RYR2: variants seen among roughly 807,000 people sequenced by gnomAD.
The protein encoded by RYR2 is cardiac muscle ryanodine receptor-calcium release channel.
In RYR2, 227 loss-of-function variants were observed where a neutral mutation model predicts 601.1. The observed-to-expected ratio is 0.38, with a 90% CI of 0.34 to 0.42. RYR2 has a LOEUF of 0.42. Among genes scored for constraint, RYR2 ranks in the 10% least tolerant of loss-of-function variants. The pLI, the probability that RYR2 is intolerant of heterozygous loss-of-function variation, is 1.00. For missense variants in RYR2, 4,646 were observed against 6,156.5 expected (o/e 0.75, Z 8.21); for synonymous variants, 2,223 against 2,175.1 (o/e 1.02, Z -0.61).
At chr1:237,259,302 G>A (rs1688283201) in intron 1 of RYR2, among the ~76,000 whole-genome samples, 2 of 152,086 alleles carry the variant, frequency 1.3e-5, no homozygotes, top group Non-Finnish European at 2.9e-5. Context: ...GAAGTCAGGA[G>A]TTCAACACCA....
chr1:237,787,963 A>C, intron 91 of RYR2, 25 bp from the exon 92 acceptor site: 1 of 1,568,284 alleles, frequency 6.4e-7, no homozygotes, highest in South Asian at 1.2e-5. Flanking sequence ...TGGAGAGCTT[A>C]TGTTTTGTTT....
chr1:237,107,523 A>AC (rs979902014), intron 1 of RYR2, among the ~76,000 whole-genome samples: 5 of 148,594 alleles, frequency 3.4e-5, no homozygotes, highest in African/African-American at 1.2e-4. Context: ...CCATCTCAAA[A>AC]AAAAAAAAAA....
intron 71 of RYR2, among the ~76,000 whole-genome samples, chr1:237,714,881 C>G (rs1215285086): frequency 6.6e-6 from 1 of 150,532 alleles, no homozygotes; most frequent in East Asian, 2.0e-4. Context: ...CTAATCCCAG[C>G]TACTTGGGAG....
chr1:237,528,401 G>A (rs1229237022), intron 24 of RYR2, among the ~76,000 whole-genome samples: 1 of 152,064 alleles, frequency 6.6e-6, no homozygotes, highest in East Asian at 1.9e-4. Flanking sequence ...CTATCTGTGG[G>A]GTTCAGGCAT....
intron 27 of RYR2, among the ~76,000 whole-genome samples, chr1:237,560,465 C>T (rs2148192471): frequency 6.6e-6 from 1 of 152,250 alleles, no homozygotes; most frequent in Non-Finnish European, 1.5e-5. Flanking sequence ...TTTGGAGGAA[C>T]TCCAGCTCTG....
intron 1 of RYR2, among the ~76,000 whole-genome samples, chr1:237,087,935 C>T (rs1325641275): frequency 6.6e-6 from 1 of 152,216 alleles, no homozygotes; most frequent in African/African-American, 2.4e-5. Flanking sequence ...GTTCTCTGTG[C>T]ATGCTGGGTT....
At chr1:237,597,400 G>C (rs1573030965) in intron 34 of RYR2, among the ~76,000 whole-genome samples, 2 of 151,362 alleles carry the variant, frequency 1.3e-5, no homozygotes, top group African/African-American at 4.9e-5. Context: ...TCATGCCTCA[G>C]CCTCCTGAGT....
At chr1:237,117,247 G>A (rs941039969) in intron 1 of RYR2, among the ~76,000 whole-genome samples, 2 of 152,044 alleles carry the variant, frequency 1.3e-5, no homozygotes, top group Non-Finnish European at 2.9e-5. Flanking sequence ...AGAAGATGAG[G>A]TATTGTTTGG....
intron 6 of RYR2, 86 bp from the exon 7 acceptor site, chr1:237,374,631 C>A: frequency 8.9e-7 from 1 of 1,120,338 alleles, no homozygotes; most frequent in Non-Finnish European, 1.3e-6. Context: ...GCACTTCCAG[C>A]CTGAGCTACA....
intron 80 of RYR2, among the ~76,000 whole-genome samples, chr1:237,749,093 A>T (rs1304833004): frequency 6.6e-6 from 1 of 152,248 alleles, no homozygotes; most frequent in Admixed American, 6.5e-5. Context: ...ACAAACATGT[A>T]TTGAAGCAGC....
intron 1 of RYR2, among the ~76,000 whole-genome samples, chr1:237,236,329 T>C (rs1343050215): frequency 8.5e-5 from 9 of 106,034 alleles, no homozygotes; most frequent in Admixed American, 9.2e-5. Context: ...ATTTGCAGTG[T>C]TATCATTAAT....
chr1:237,215,784 A>G lies in RYR2; in HGVS notation c.49-54713A>G, dbSNP rs1159766047. Reference sequence around the variant, plus strand: ...TCATGATAAATAGTTTGGGGGATCAATACTGTTTACAAAATTCCCCTCCAA... The same window carrying G: ...TCATGATAAATAGTTTGGGGGATCAGTACTGTTTACAAAATTCCCCTCCAA... On this transcript the variant is annotated intron_variant, in intron 1 of 104. Transcript: ENST00000366574. Among the ~76,000 whole-genome samples the G allele has an allele frequency of 2.0e-5, 3 of 152,194 alleles. No individual in the cohort carries two copies. In the East Asian group the frequency reaches 5.8e-4, roughly 29 times the overall value.
chr1:237,394,037 C>A (rs1039638184), intron 10 of RYR2, among the ~76,000 whole-genome samples: 1 of 152,030 alleles, frequency 6.6e-6, no homozygotes, highest in Non-Finnish European at 1.5e-5. Context: ...AGATTAAAAT[C>A]AACATTATAC....
At chr1:237,793,482 A>T (rs935981908) in intron 94 of RYR2, among the ~76,000 whole-genome samples, 1 of 152,240 alleles carries the variant, frequency 6.6e-6, no homozygotes, top group African/African-American at 2.4e-5. Flanking sequence ...GCACTTTAGT[A>T]GCATGCATTT....
At chr1:237,658,258 A>G (rs1342934941) in intron 54 of RYR2, among the ~76,000 whole-genome samples, 1 of 152,132 alleles carries the variant, frequency 6.6e-6, no homozygotes, top group East Asian at 1.9e-4. Flanking sequence ...AGATCTATTC[A>G]TTAAATTATA....
intron 4 of RYR2, among the ~76,000 whole-genome samples, chr1:237,360,467 C>G (rs527507226): frequency 6.6e-6 from 1 of 152,136 alleles, no homozygotes; most frequent in African/African-American, 2.4e-5. Context: ...AGTAGCTTAT[C>G]GGAATCATTT....
intron 11 of RYR2, 86 bp from the exon 12 acceptor site, chr1:237,423,006 C>A: frequency 7.0e-7 from 1 of 1,428,756 alleles, no homozygotes; most frequent in South Asian, 1.4e-5. Context: ...ATATATATGA[C>A]TGTTCATTGT....
At chr1:237,167,708 C>CTT (rs11288225) in intron 1 of RYR2, among the ~76,000 whole-genome samples, 23 of 101,098 alleles carry the variant, frequency 2.3e-4, no homozygotes, top group Admixed American at 4.6e-4. Context: ...GATCCACCTC[C>CTT]TTTTTTTTTT....
At chr1:237,206,735 T>G (rs1312236593) in intron 1 of RYR2, among the ~76,000 whole-genome samples, 1 of 152,252 alleles carries the variant, frequency 6.6e-6, no homozygotes, top group Non-Finnish European at 1.5e-5. Flanking sequence ...TATTGAATAC[T>G]GCAAATTAGT....
Sources: allele counts gnomAD v4.1 joint callset (sites outside exome capture counted in the v4.1 genomes callset), GRCh38; gene constraint gnomAD v4.1.1; transcripts MANE v1.5; gene names NCBI Gene and HGNC (gene_info 2026-07-23, HGNC 2026-07-21).